Variants in IFNGR2 observed in about 807,000 individuals in gnomAD.
IFNGR2 encodes IFN-gamma receptor 2.
IFNGR2 carries 15 observed loss-of-function variants against 41.1 expected under a neutral mutation model. The ratio of observed to expected loss-of-function variants is 0.37; its 90% CI spans 0.24 to 0.56. IFNGR2 has a LOEUF of 0.56. Ranked by LOEUF, IFNGR2 falls within the 20% of genes least tolerant of loss-of-function variation. The probability of loss-of-function intolerance (pLI) is 0.81; values close to 1 mark genes in which losing one functional copy is unlikely to be tolerated. For missense variants in IFNGR2, 362 were observed against 415.7 expected (o/e 0.87, Z 1.12); for synonymous variants, 161 against 171.6 (o/e 0.94, Z 0.48).
At chr21:33,427,752 G>A (rs8126735) in intron 4 of IFNGR2, among the ~76,000 whole-genome samples, 24,187 of 151,456 alleles carry the variant, frequency 0.16, 2,382 homozygotes, top group East Asian at 0.42. Flanking sequence ...TCAACATTAT[G>A]ATGGTTTTTG....
intron 3 of IFNGR2, among the ~76,000 whole-genome samples, chr21:33,421,995 G>C (rs1315605799): frequency 1.3e-5 from 2 of 152,198 alleles, no homozygotes; most frequent in Non-Finnish European, 2.9e-5. Flanking sequence ...ACACTACAAT[G>C]GTAGAGTAGT....
chr21:33,432,310 T>A lies in IFNGR2; in HGVS notation c.695T>A (p.Ile232Lys). 6.2e-7 allele frequency: 1 copy of A among 1,614,156 alleles called. No homozygotes were observed. The highest frequency in any genetic ancestry group is 8.5e-7 in the Non-Finnish European group (1 of 1,179,964). The stretch of plus-strand genomic sequence containing the variant: ...TTTAGAGTCGGGCATTTAAGCAACA[T>A]ATCTTGCTACGAAACAATGGCAGAT... The part of the protein sequence containing the change: ...NIFRVGHLSN[I>K]SCYETMADAS... Residue 232 changes from isoleucine to lysine, a missense_variant, in exon 5 of 7, where the codon ATA becomes AAA. Coordinates refer to ENST00000290219, the MANE Select transcript of IFNGR2 (RefSeq NM_005534.4).
intron 5 of IFNGR2, 174 bp from the exon 6 acceptor site, chr21:33,432,540 A>C: frequency 1.2e-6 from 1 of 867,656 alleles, no homozygotes; most frequent in South Asian, 1.4e-5. Context: ...TTATTTCATT[A>C]CAGGATTGAC....
At chr21:33,410,193 GTC>G (rs1424053983) in intron 1 of IFNGR2, among the ~76,000 whole-genome samples, 4 of 147,004 alleles carry the variant, frequency 2.7e-5, no homozygotes, top group African/African-American at 1.0e-4. Flanking sequence ...TTGAGACAGA[GTC>G]TCTCTCTGTC....
intron 6 of IFNGR2, among the ~76,000 whole-genome samples, chr21:33,434,294 G>A (rs1208219855): frequency 6.6e-6 from 1 of 152,052 alleles, no homozygotes; most frequent in Admixed American, 6.6e-5. Flanking sequence ...GGCCAGGGTG[G>A]GCAGATCACC....
chr21:33,404,921 G>A (rs763287750), intron 1 of IFNGR2, among the ~76,000 whole-genome samples: 2 of 152,032 alleles, frequency 1.3e-5, no homozygotes. Context: ...TCAGGAGTTC[G>A]AGACCAGCTT....
At chr21:33,413,267 T>A (rs1230830580) in intron 1 of IFNGR2, among the ~76,000 whole-genome samples, 1 of 152,194 alleles carries the variant, frequency 6.6e-6, no homozygotes, top group African/African-American at 2.4e-5. Flanking sequence ...CCACGCAGCT[T>A]TACCTGTCTG....
intron 1 of IFNGR2, among the ~76,000 whole-genome samples, chr21:33,411,223 TGAAGGAAATG>T (rs1375253729): frequency 2.0e-5 from 3 of 151,914 alleles, no homozygotes; most frequent in African/African-American, 7.3e-5. Context: ...AAACGGAAAA[TGAAGGAAATG>T]GAAGGCTGGC....
intron 6 of IFNGR2, among the ~76,000 whole-genome samples, chr21:33,435,943 G>A (rs2123381371): frequency 6.8e-6 from 1 of 147,144 alleles, no homozygotes; most frequent in South Asian, 2.1e-4. Context: ...TGCAATCCTA[G>A]CTACTTGGTT....
At chr21:33,425,790 C>G (rs1424216569) in intron 3 of IFNGR2, among the ~76,000 whole-genome samples, 1 of 152,080 alleles carries the variant, frequency 6.6e-6, no homozygotes, top group Non-Finnish European at 1.5e-5. Flanking sequence ...TTCTTTTGCA[C>G]AGAGAGAAGC....
chr21:33,416,877 T>G (rs1313075878), intron 2 of IFNGR2, among the ~76,000 whole-genome samples: 3 of 151,312 alleles, frequency 2.0e-5, no homozygotes, highest in Non-Finnish European at 4.4e-5. Context: ...GGCAATTGAT[T>G]TGTTAGAGGA....
intron 6 of IFNGR2, among the ~76,000 whole-genome samples, chr21:33,435,993 G>A (rs1006220076): frequency 3.3e-5 from 5 of 151,868 alleles, no homozygotes; most frequent in Non-Finnish European, 7.4e-5. Flanking sequence ...CCCAGGAGGC[G>A]GAAGTTGCAG....
intron 1 of IFNGR2, among the ~76,000 whole-genome samples, chr21:33,410,350 A>G (rs1388736865): frequency 6.6e-6 from 1 of 151,928 alleles, no homozygotes; most frequent in Non-Finnish European, 1.5e-5. Flanking sequence ...TATTTTTAGT[A>G]AAGATGGGGT....
chr21:33,415,826 ATG>A (rs143825499), intron 2 of IFNGR2, among the ~76,000 whole-genome samples: 3 of 151,256 alleles, frequency 2.0e-5, no homozygotes, highest in East Asian at 1.9e-4. Flanking sequence ...TAGTTTTCCA[ATG>A]TGTGTGTGTG....
chr21:33,432,175 AGG>A lies in IFNGR2; in HGVS notation c.562-1_562del. Reference sequence around the variant, plus strand: ...TGTGTGCTTGTGATGTTTTTAAAACAGGTCAAAGGCCCTTTCAGAAGCAACTC... The same window carrying A: ...TGTGTGCTTGTGATGTTTTTAAAACATCAAAGGCCCTTTCAGAAGCAACTC... On this transcript the variant is annotated splice_acceptor_variant and coding_sequence_variant, in exon 5 of 7. Coordinates refer to ENST00000290219, the MANE Select transcript of IFNGR2 (RefSeq NM_005534.4). LOFTEE classifies it high-confidence loss of function. 1.2e-6 allele frequency: 2 copies of A among 1,613,822 alleles called. No individual in the cohort carries two copies. The highest frequency in any genetic ancestry group is 1.7e-6 in the Non-Finnish European group (2 of 1,179,674).
At chr21:33,414,369 G>T (rs2083738820) in intron 1 of IFNGR2, among the ~76,000 whole-genome samples, 2 of 147,968 alleles carry the variant, frequency 1.4e-5, no homozygotes, top group African/African-American at 4.9e-5. Flanking sequence ...TGCGTGTGTA[G>T]TGTGTGCACG....
At chr21:33,403,765 G>A (rs2083657998) in intron 1 of IFNGR2, 149 bp downstream of exon 1, 2 of 475,094 alleles carry the variant, frequency 4.2e-6, no homozygotes, top group Non-Finnish European at 6.4e-6. Context: ...GGTGGGATAT[G>A]CGGAGTGCTC....
intron 3 of IFNGR2, among the ~76,000 whole-genome samples, chr21:33,425,408 ACT>A (rs2123355738): frequency 6.6e-6 from 1 of 151,722 alleles, no homozygotes; most frequent in South Asian, 2.1e-4. Flanking sequence ...CCGGGCCAGG[ACT>A]CTCTTCAGAA....
At chr21:33,403,638 G>C in intron 1 of IFNGR2, 22 bp downstream of exon 1, 2 of 1,300,512 alleles carry the variant, frequency 1.5e-6, no homozygotes, top group Middle Eastern at 2.9e-4. Flanking sequence ...CTGGGCCTCC[G>C]CGGCGGGACG....
Sources: allele counts gnomAD v4.1 joint callset (sites outside exome capture counted in the v4.1 genomes callset), GRCh38; gene constraint gnomAD v4.1.1; transcripts MANE v1.5; gene names NCBI Gene and HGNC (gene_info 2026-07-23, HGNC 2026-07-21).